The following EBF3 variants were observed in gnomAD, a reference collection of about 807,000 sequenced individuals.
EBF3 encodes transcription factor COE3.
A neutral mutation model predicts 77.1 loss-of-function variants in EBF3; 18 were observed. The observed-to-expected ratio is 0.23, with a 90% confidence interval of 0.16 to 0.35. The LOEUF is 0.35. Among genes scored for constraint, EBF3 ranks in the 10% least tolerant of loss-of-function variants. The pLI, the probability that EBF3 is intolerant of heterozygous loss-of-function variation, is 1.00. For missense variants in EBF3, 558 were observed against 860.0 expected, an observed-to-expected ratio of 0.65 and a Z score of 4.39; for synonymous variants, 350 against 343.5, an observed-to-expected ratio of 1.02 and a Z score of -0.21.
chr10:129,867,078 G>A, intron 10 of EBF3, 63 bp downstream of exon 10: 3 of 1,569,544 alleles, frequency 1.9e-6, no homozygotes, highest in African/African-American at 1.4e-5. Context: ...GCCCTCATGA[G>A]CACCTCCTGG....
At chr10:129,919,902 G>A (rs1179011990) in intron 6 of EBF3, among the ~76,000 whole-genome samples, 9 of 152,144 alleles carry the variant, frequency 5.9e-5, no homozygotes, top group African/African-American at 1.9e-4. Flanking sequence ...CAGAGATGCC[G>A]CTTAATCAAT....
At chr10:129,955,734 T>G (rs1417093965) in intron 6 of EBF3, among the ~76,000 whole-genome samples, 1 of 152,224 alleles carries the variant, frequency 6.6e-6, no homozygotes, top group East Asian at 1.9e-4. Context: ...ACTTCATCAT[T>G]GTGGCATGCT....
chr10:129,928,355 T>C (rs1856805497), intron 6 of EBF3, among the ~76,000 whole-genome samples: 1 of 152,210 alleles, frequency 6.6e-6, no homozygotes, highest in African/African-American at 2.4e-5. Context: ...CACAATCCCA[T>C]TTCTGCATAT....
At chr10:129,849,648 A>G (rs1200668830) in intron 10 of EBF3, among the ~76,000 whole-genome samples, 1 of 152,234 alleles carries the variant, frequency 6.6e-6, no homozygotes, top group Non-Finnish European at 1.5e-5. Flanking sequence ...ACGTACACTC[A>G]ATAATGCGCC....
rs1857272028 is a variant in EBF3, at chr10:129,935,134, C to T, written c.554+22124G>A. ...CTAAGAACCGGACCCTCTAGTGGAT[C>T]ATGATGTGGATGCATTTTCCTGTCT... is the stretch of plus-strand genomic sequence containing the variant. On this transcript the variant is annotated intron_variant, in intron 6 of 16. Transcript: ENST00000440978. This position sits in a 1 kb window ranked among gnomAD's most constrained non-coding sequence, Gnocchi z 4.2. Among the ~76,000 whole-genome samples, 1 of 152,188 alleles carries T rather than the reference C, an allele frequency of 6.6e-6. No individual in the cohort carries two copies. Among genetic ancestry groups the T allele is most frequent in the African/African-American group, 2.4e-5 (1 of 41,442 alleles).
At chr10:129,960,017 C>T (rs1859372617) in intron 4 of EBF3, among the ~76,000 whole-genome samples, 1 of 152,040 alleles carries the variant, frequency 6.6e-6, no homozygotes, top group Admixed American at 6.5e-5. Context: ...CACGGCCGCG[C>T]TCAGCCCGGC....
At chr10:129,930,297 A>C (rs1044504664) in intron 6 of EBF3, among the ~76,000 whole-genome samples, 2 of 152,136 alleles carry the variant, frequency 1.3e-5, no homozygotes, top group African/African-American at 4.8e-5. Flanking sequence ...CTGTGAGCCA[A>C]TTCCCTTAAC....
intron 6 of EBF3, among the ~76,000 whole-genome samples, chr10:129,956,918 T>C (rs1369572705): frequency 6.6e-6 from 1 of 152,184 alleles, no homozygotes; most frequent in East Asian, 1.9e-4. Context: ...AAAAATGAAA[T>C]ACTTGTTAAC....
chr10:129,934,629 C>T (rs1857238907), intron 6 of EBF3, among the ~76,000 whole-genome samples: 1 of 152,114 alleles, frequency 6.6e-6, no homozygotes. Flanking sequence ...TTTCTAAGTT[C>T]ACTCCCCCTC....
intron 6 of EBF3, among the ~76,000 whole-genome samples, chr10:129,915,274 G>A (rs1246919856): frequency 6.6e-6 from 1 of 152,138 alleles, no homozygotes; most frequent in Non-Finnish European, 1.5e-5. Flanking sequence ...CAAGACCCAG[G>A]GCCCAGCCCG....
In EBF3 at chr10:129,885,956, C is replaced by T. The variant is rs1032080478; in HGVS notation, c.555-8107G>A. 3.3e-5 allele frequency among the ~76,000 whole-genome samples: 5 copies of T among 151,858 alleles called. No homozygotes were observed. The highest frequency in any genetic ancestry group is 2.1e-4 in the South Asian group (1 of 4,822). On this transcript the variant is annotated intron_variant, in intron 6 of 16. Coordinates refer to ENST00000440978, the MANE Select transcript of EBF3 (RefSeq NM_001375380.1). The surrounding 1 kb of genome is among the most constrained non-coding windows in gnomAD (Gnocchi z 4.0). ...CTGAAGATCACGGGAATGCTTCTTT[C>T]GCCATCCTGATTCCTGATGGCTGGG... is the stretch of plus-strand genomic sequence containing the variant.
intron 12 of EBF3, 29 bp downstream of exon 12, chr10:129,843,108 A>C (rs1381487303): frequency 6.2e-7 from 1 of 1,603,506 alleles, no homozygotes. Flanking sequence ...GGGGGGGAGG[A>C]TGGGCGAGGG....
chr10:129,937,214 G>A (rs564671732), intron 6 of EBF3, among the ~76,000 whole-genome samples: 4 of 152,268 alleles, frequency 2.6e-5, no homozygotes, highest in South Asian at 2.1e-4. Flanking sequence ...GTAGGGGGCC[G>A]GGTCGACAAG....
chr10:129,884,912 C>T (rs1323750857), intron 6 of EBF3, among the ~76,000 whole-genome samples: 1 of 152,184 alleles, frequency 6.6e-6, no homozygotes, highest in African/African-American at 2.4e-5. Flanking sequence ...GTAGTAACCA[C>T]ACCGCATTAA....
chr10:129,908,376 A>G (rs1044684704), intron 6 of EBF3, among the ~76,000 whole-genome samples: 1 of 152,232 alleles, frequency 6.6e-6, no homozygotes, highest in Non-Finnish European at 1.5e-5. Flanking sequence ...AACACTTCAC[A>G]GCTAGTTTGC....
chr10:129,869,686 C>A (rs373044314), intron 8 of EBF3, among the ~76,000 whole-genome samples: 2 of 152,154 alleles, frequency 1.3e-5, no homozygotes, highest in African/African-American at 4.8e-5. Flanking sequence ...TTTAGCACAC[C>A]GCCGACATGC....
chr10:129,893,501 A>AT (rs1217201216), intron 6 of EBF3, among the ~76,000 whole-genome samples: 1 of 152,228 alleles, frequency 6.6e-6, no homozygotes, highest in East Asian at 1.9e-4. Flanking sequence ...AAAACTGTCA[A>AT]TTTTTGTTCA....
At chr10:129,849,495 G>T (rs1451515164) in intron 10 of EBF3, among the ~76,000 whole-genome samples, 1 of 152,194 alleles carries the variant, frequency 6.6e-6, no homozygotes, top group Non-Finnish European at 1.5e-5. Context: ...AGGTGTGCAA[G>T]GTGCGGGGGC....
intron 6 of EBF3, among the ~76,000 whole-genome samples, chr10:129,914,150 T>C (rs1028234462): frequency 3.3e-5 from 5 of 152,212 alleles, no homozygotes; most frequent in African/African-American, 1.2e-4. Context: ...CAAAGAGGAC[T>C]CCAGGGGACA....
Sources: gnomAD v4.1 joint callset for allele counts (sites outside exome capture counted in the v4.1 genomes callset) on GRCh38, gnomAD v4.1.1 for gene constraint, Gnocchi (gnomAD v3.1) non-coding constraint, MANE v1.5 for transcripts, NCBI Gene and HGNC (gene_info 2026-07-23, HGNC 2026-07-21) for gene names.